The following PCCA variants were observed in gnomAD, a reference collection of about 807,000 sequenced individuals.
PCCA encodes the protein propionyl-CoA carboxylase alpha chain, mitochondrial.
Under a neutral mutation model 101.3 loss-of-function variants are expected in PCCA, and 74 were observed. The ratio of observed to expected loss-of-function variants is 0.73; its 90% CI spans 0.61 to 0.89. The LOEUF (loss-of-function observed/expected upper bound fraction) is 0.89. Ranked by LOEUF, PCCA falls within the 40% of genes least tolerant of loss-of-function variation. The pLI, the probability that PCCA is intolerant of heterozygous loss-of-function variation, is 0.00. For synonymous variants in PCCA, 294 were observed against 313.6 expected, an observed-to-expected ratio of 0.94 and a Z score of 0.66; for missense variants, 891 against 907.0, an observed-to-expected ratio of 0.98 and a Z score of 0.23.
Position 100,102,919 on chromosome 13 carries a change from TC to T in PCCA, c.145del (p.Arg49ValfsTer55), listed in dbSNP as rs2047402577. On this transcript the variant is annotated frameshift_variant, in exon 2 of 24. Coordinates refer to ENST00000376285, the MANE Select transcript of PCCA (RefSeq NM_000282.4). LOFTEE classifies it high-confidence loss of function. ...CTATTCAAGACAGTGCTTAATGGTG[TC>T]CCGTAATCTTGGTTCAGTGGGATAT... ...LYYSRQCLMV[S>X]RNLGSVGYDP... The T allele has an allele frequency of 6.2e-7, 1 of 1,612,344 alleles. No individual in the cohort carries two copies. Among genetic ancestry groups the T allele is most frequent in the Non-Finnish European group, 8.5e-7 (1 of 1,178,436 alleles).
chr13:100,115,186 G>A (rs1441369421), intron 4 of PCCA, among the ~76,000 whole-genome samples: 4 of 152,088 alleles, frequency 2.6e-5, no homozygotes, highest in Non-Finnish European at 4.4e-5. Flanking sequence ...GACAAGTTTT[G>A]CATGTACTCA....
chr13:100,352,550 C>T (rs565444255), intron 18 of PCCA, among the ~76,000 whole-genome samples: 2 of 151,582 alleles, frequency 1.3e-5, no homozygotes, highest in South Asian at 4.2e-4. Flanking sequence ...CATGCCCTAA[C>T]ATTTGGCTAT....
At chr13:100,242,927 C>T (rs1444049340) in intron 8 of PCCA, among the ~76,000 whole-genome samples, 5 of 152,072 alleles carry the variant, frequency 3.3e-5, no homozygotes, top group African/African-American at 1.2e-4. Context: ...GACAGAGTCT[C>T]ATTCTGTTGC....
intron 12 of PCCA, among the ~76,000 whole-genome samples, chr13:100,276,213 C>CAAAAAAAAAA (rs59671834): frequency 9.8e-5 from 10 of 102,138 alleles, no homozygotes; most frequent in South Asian, 5.4e-4. Context: ...TTGTCTGTAC[C>CAAAAAAAAAA]AAAAAAAAAA....
At chr13:100,509,557 G>GAGATTTTAAAACGGA (rs1292672881) in intron 21 of PCCA, among the ~76,000 whole-genome samples, 2 of 152,180 alleles carry the variant, frequency 1.3e-5, no homozygotes, top group African/African-American at 4.8e-5. Flanking sequence ...GTAACATTCA[G>GAGATTTTAAAACGGA]AGATTTTAAA....
intron 8 of PCCA, 90 bp downstream of exon 8, chr13:100,235,968 A>G (rs946311849): frequency 3.6e-6 from 3 of 835,650 alleles, no homozygotes; most frequent in Non-Finnish European, 6.3e-6. Flanking sequence ...CCATAGAGCA[A>G]ATAATACTTT....
intron 4 of PCCA, among the ~76,000 whole-genome samples, chr13:100,140,336 T>G (rs549325777): frequency 2.7e-4 from 41 of 152,346 alleles, no homozygotes; most frequent in Admixed American, 2.6e-3. Context: ...CTCATTGTTT[T>G]GGCTCTTGCT....
intron 22 of PCCA, among the ~76,000 whole-genome samples, chr13:100,527,047 G>A (rs561877379): frequency 1.4e-4 from 22 of 152,130 alleles, no homozygotes; most frequent in African/African-American, 4.6e-4. Flanking sequence ...CGCCAGGGCC[G>A]AGCTGTTCCC....
chr13:100,236,677 G>C (rs975588910), intron 8 of PCCA: 2 of 151,968 alleles, frequency 1.3e-5, no homozygotes, highest in Non-Finnish European at 2.9e-5. Context: ...GGCCAGGCTG[G>C]TCTCGAACTC....
intron 16 of PCCA, among the ~76,000 whole-genome samples, chr13:100,320,312 T>A (rs909676405): frequency 6.6e-6 from 1 of 152,168 alleles, no homozygotes. Flanking sequence ...TGAATACCCT[T>A]TATTTCTTTC....
intron 21 of PCCA, among the ~76,000 whole-genome samples, chr13:100,462,651 G>T (rs2082247099): frequency 6.6e-6 from 1 of 152,114 alleles, no homozygotes. Flanking sequence ...ATAAACACAG[G>T]GAAAAGAAGA....
intron 8 of PCCA, among the ~76,000 whole-genome samples, chr13:100,249,052 C>T (rs1340539698): frequency 1.3e-5 from 2 of 152,178 alleles, no homozygotes; most frequent in African/African-American, 4.8e-5. Context: ...CCATGCCCGG[C>T]TGTGTCTTTA....
chr13:100,350,947 A>C (rs929964347), intron 18 of PCCA, among the ~76,000 whole-genome samples: 1 of 152,232 alleles, frequency 6.6e-6, no homozygotes, highest in African/African-American at 2.4e-5. Context: ...TCATACAGCT[A>C]TTCAGCTTAC....
intron 19 of PCCA, 138 bp from the exon 20 acceptor site, chr13:100,425,495 C>A: frequency 1.4e-6 from 1 of 715,268 alleles, no homozygotes. Flanking sequence ...CCCTGTCTTT[C>A]TTGGCTGGAG....
intron 19 of PCCA, among the ~76,000 whole-genome samples, chr13:100,384,800 T>C (rs1365508277): frequency 1.3e-5 from 2 of 152,112 alleles, no homozygotes; most frequent in East Asian, 3.8e-4. Flanking sequence ...ATGGCTTAAA[T>C]ACAGAGAAGG....
chr13:100,277,291 A>C (rs2063732608), intron 12 of PCCA, among the ~76,000 whole-genome samples: 1 of 152,060 alleles, frequency 6.6e-6, no homozygotes, highest in Non-Finnish European at 1.5e-5. Context: ...TATGCTTTTG[A>C]TTTGTTGATG....
chr13:100,091,376 A>G (rs1191794678), intron 1 of PCCA, among the ~76,000 whole-genome samples: 2 of 152,120 alleles, frequency 1.3e-5, no homozygotes, highest in East Asian at 1.9e-4. Context: ...CATCTTGTCT[A>G]TTTCTGTGTT....
At chr13:100,176,715 G>C (rs1272964028) in intron 6 of PCCA, among the ~76,000 whole-genome samples, 1 of 152,098 alleles carries the variant, frequency 6.6e-6, no homozygotes, top group African/African-American at 2.4e-5. Flanking sequence ...TTAGCACTTG[G>C]ATCATTTAAA....
chr13:100,245,625 C>A (rs928429626), intron 8 of PCCA, among the ~76,000 whole-genome samples: 1 of 152,120 alleles, frequency 6.6e-6, no homozygotes, highest in Admixed American at 6.5e-5. Flanking sequence ...ACAGAAAAGC[C>A]TCAGTTTTGG....
Sources: gnomAD v4.1 joint callset for allele counts (sites outside exome capture counted in the v4.1 genomes callset) on GRCh38, gnomAD v4.1.1 for gene constraint, MANE v1.5 for transcripts, NCBI Gene and HGNC (gene_info 2026-07-23, HGNC 2026-07-21) for gene names.